The following ODAD2 variants were observed in gnomAD, a reference collection of about 807,000 sequenced individuals.
ODAD2 encodes the protein outer dynein arm docking complex subunit 2.
ODAD2 carries 89 observed loss-of-function variants against 106.8 expected under a neutral mutation model. That is an observed-to-expected ratio of 0.83 (90% CI 0.70 to 0.99). The LOEUF is 0.99. Ranked by LOEUF, ODAD2 falls within the 50% of genes least tolerant of loss-of-function variation. The pLI is 0.00. For missense variants in ODAD2, 1,168 were observed against 1,238.5 expected, an observed-to-expected ratio of 0.94 and a Z score of 0.85; for synonymous variants, 404 against 436.2, an observed-to-expected ratio of 0.93 and a Z score of 0.92.
At chr10:27,838,000 G>C (rs968946309) in intron 19 of ODAD2, among the ~76,000 whole-genome samples, 5 of 151,996 alleles carry the variant, frequency 3.3e-5, no homozygotes, top group African/African-American at 1.2e-4. Context: ...AGAGAACAAA[G>C]ATCCTAAGAA....
At chr10:27,944,196 A>G in intron 12 of ODAD2, 26 bp downstream of exon 12, 1 of 1,590,080 alleles carries the variant, frequency 6.3e-7, no homozygotes, top group Non-Finnish European at 8.6e-7. Flanking sequence ...GCACTAGATG[A>G]CGATGACAAC....
intron 19 of ODAD2, among the ~76,000 whole-genome samples, chr10:27,823,320 G>T (rs1172886218): frequency 1.3e-5 from 2 of 152,186 alleles, no homozygotes; most frequent in African/African-American, 4.8e-5. Flanking sequence ...GTTTAGAATT[G>T]CATTTTGCTA....
In ODAD2 at chr10:27,971,300, C is replaced by T. The variant is rs1472643302; in HGVS notation, c.950G>A (p.Ser317Asn). The T allele has an allele frequency of 6.2e-6, 10 of 1,604,282 alleles. No homozygotes were observed. In the Middle Eastern group the frequency reaches 1.5e-3, roughly 241 times the overall value. ...ENMSKLGISF[S>N]EDQQKEKDQL... ...ATCCTTTTCCTTTTGCTGGTCTTCA[C>T]TGAAGCTAATTCCCTTTATTTAAAA... Residue 317 changes from serine to asparagine, a missense_variant, in exon 8 of 20, where the codon AGT becomes AAT. This residue lies in a region of ODAD2 where 430 missense variants were observed against 452.2 expected (regional missense o/e 0.95). Coordinates refer to ENST00000305242, the MANE Select transcript of ODAD2 (RefSeq NM_018076.5).
intron 17 of ODAD2, among the ~76,000 whole-genome samples, chr10:27,893,811 T>C (rs1209501381): frequency 1.3e-5 from 2 of 152,198 alleles, no homozygotes; most frequent in Non-Finnish European, 2.9e-5. Flanking sequence ...TGCCCCAGCA[T>C]ATTCAAAAAA....
intron 19 of ODAD2, among the ~76,000 whole-genome samples, chr10:27,818,051 A>G (rs1836275346): frequency 6.6e-6 from 1 of 151,590 alleles, no homozygotes; most frequent in Non-Finnish European, 1.5e-5. Flanking sequence ...TGGAGTGCCA[A>G]CTGTAAGCCT....
At chr10:27,855,529 C>T (rs1484150497) in intron 19 of ODAD2, among the ~76,000 whole-genome samples, 1 of 152,148 alleles carries the variant, frequency 6.6e-6, no homozygotes, top group Non-Finnish European at 1.5e-5. Flanking sequence ...TTTTAATTAA[C>T]AGGAAATATA....
intron 16 of ODAD2, among the ~76,000 whole-genome samples, chr10:27,929,632 A>AC (rs1236665207): frequency 2.0e-5 from 3 of 152,162 alleles, no homozygotes; most frequent in Admixed American, 2.0e-4. Flanking sequence ...AGAGAGTACT[A>AC]CATTCACCAA....
intron 2 of ODAD2, among the ~76,000 whole-genome samples, chr10:27,992,274 T>C (rs1254143034): frequency 6.6e-6 from 1 of 152,128 alleles, no homozygotes; most frequent in African/African-American, 2.4e-5. Flanking sequence ...ACAAAAAGAA[T>C]GGATTGAGAA....
At chr10:27,926,296 C>G (rs1262495198) in intron 16 of ODAD2, among the ~76,000 whole-genome samples, 2 of 151,270 alleles carry the variant, frequency 1.3e-5, no homozygotes, top group Admixed American at 1.3e-4. Flanking sequence ...GGAACTCAAC[C>G]AATAAGAGAA....
At chr10:27,943,762 T>G (rs1350123504) in intron 12 of ODAD2, among the ~76,000 whole-genome samples, 1 of 116,490 alleles carries the variant, frequency 8.6e-6, no homozygotes, top group Non-Finnish European at 1.6e-5. Flanking sequence ...GCCACTGCAC[T>G]CCAGCCTGAG....
intron 17 of ODAD2, among the ~76,000 whole-genome samples, chr10:27,865,009 A>G (rs1209213417): frequency 1.3e-5 from 2 of 152,162 alleles, no homozygotes; most frequent in Non-Finnish European, 1.5e-5. Context: ...CTGAGTGATC[A>G]TTAGAAACCG....
chr10:27,930,430 C>T (rs1845531335), intron 16 of ODAD2, among the ~76,000 whole-genome samples: 1 of 151,984 alleles, frequency 6.6e-6, no homozygotes, highest in Admixed American at 6.6e-5. Flanking sequence ...AGGAGGATTG[C>T]TTGAGCCCAA....
At chr10:27,925,278 A>G (rs1343014879) in intron 16 of ODAD2, among the ~76,000 whole-genome samples, 1 of 152,216 alleles carries the variant, frequency 6.6e-6, no homozygotes, top group Non-Finnish European at 1.5e-5. Flanking sequence ...AAAAATCATG[A>G]TGAAACATAT....
chr10:27,941,596 GTTTT>G (rs371752746), intron 12 of ODAD2, among the ~76,000 whole-genome samples: 51 of 114,924 alleles, frequency 4.4e-4, no homozygotes, highest in East Asian at 2.2e-3. Flanking sequence ...CCAGCATCCA[GTTTT>G]TTTTTTTTTT....
At chr10:27,848,644 T>A (rs953036587) in intron 19 of ODAD2, among the ~76,000 whole-genome samples, 43 of 152,000 alleles carry the variant, frequency 2.8e-4, no homozygotes, top group African/African-American at 9.9e-4. Flanking sequence ...GGGAGAAAAT[T>A]TTTGCAATCT....
chr10:27,861,702 C>A (rs953998691), intron 18 of ODAD2, among the ~76,000 whole-genome samples: 1 of 152,178 alleles, frequency 6.6e-6, no homozygotes, highest in African/African-American at 2.4e-5. Context: ...CAGACGATAT[C>A]CTTCTTTGTA....
intron 19 of ODAD2, among the ~76,000 whole-genome samples, chr10:27,829,939 A>C (rs893028046): frequency 1.3e-5 from 2 of 152,200 alleles, no homozygotes; most frequent in Admixed American, 6.5e-5. Context: ...ATTAAAAAAA[A>C]AAAAATGTAA....
intron 19 of ODAD2, among the ~76,000 whole-genome samples, chr10:27,827,379 CTATAT>C (rs1218857955): frequency 6.1e-4 from 81 of 132,470 alleles, no homozygotes; most frequent in South Asian, 1.5e-3. Flanking sequence ...CACACACACA[CTATAT>C]ATATATATAT....
At chr10:27,887,507 C>G (rs1458146284) in intron 17 of ODAD2, among the ~76,000 whole-genome samples, 2 of 151,938 alleles carry the variant, frequency 1.3e-5, no homozygotes, top group Non-Finnish European at 2.9e-5. Flanking sequence ...AACACCCCAC[C>G]TAACAACAGC....
Sources: gnomAD v4.1 joint callset for allele counts (sites outside exome capture counted in the v4.1 genomes callset) on GRCh38, gnomAD v4.1.1 for gene constraint, gnomAD v4.1.1 regional missense constraint, MANE v1.5 for transcripts, NCBI Gene and HGNC (gene_info 2026-07-23, HGNC 2026-07-21) for gene names.